Variants in CERS6 observed in about 807,000 individuals in gnomAD.
CERS6 encodes LAG1 homolog, ceramide synthase 6.
Under a neutral mutation model 56.8 loss-of-function variants are expected in CERS6, and 26 were observed. The ratio of observed to expected loss-of-function variants is 0.46; its 90% CI spans 0.34 to 0.63. The LOEUF (loss-of-function observed/expected upper bound fraction) is 0.63. Among genes scored for constraint, CERS6 ranks in the 30% least tolerant of loss-of-function variants. CERS6 has a pLI of 0.01. For missense variants in CERS6, 415 were observed against 467.5 expected, an observed-to-expected ratio of 0.89 and a Z score of 1.04; for synonymous variants, 164 against 173.3, an observed-to-expected ratio of 0.95 and a Z score of 0.42.
chr2:168,716,277 G>A (rs1306279104), intron 7 of CERS6, among the ~76,000 whole-genome samples: 1 of 152,020 alleles, frequency 6.6e-6, no homozygotes, highest in Non-Finnish European at 1.5e-5. Flanking sequence ...TAGTATAAGG[G>A]CAATCCCCTG....
At chr2:168,493,024 G>A (rs981142971) in intron 1 of CERS6, among the ~76,000 whole-genome samples, 2 of 151,930 alleles carry the variant, frequency 1.3e-5, no homozygotes, top group Non-Finnish European at 2.9e-5. Context: ...TTTTTAGAAT[G>A]TATACTTCTG....
At chr2:168,605,820 C>CT in intron 3 of CERS6, among the ~76,000 whole-genome samples, 1 of 152,282 alleles carries the variant, frequency 6.6e-6, no homozygotes, top group South Asian at 2.1e-4. Context: ...AGAGTTAAGG[C>CT]TTGGGGGCCT....
At chr2:168,576,531 C>T (rs993625604) in intron 3 of CERS6, among the ~76,000 whole-genome samples, 1 of 152,202 alleles carries the variant, frequency 6.6e-6, no homozygotes, top group Non-Finnish European at 1.5e-5. Flanking sequence ...TTTCCAGATA[C>T]AGTCCAATCA....
chr2:168,769,427 T>C (rs1684807802), intron 9 of CERS6, 83 bp from the exon 10 acceptor site: 2 of 1,243,702 alleles, frequency 1.6e-6, no homozygotes, highest in South Asian at 3.2e-5. Flanking sequence ...TTTCCCCTTG[T>C]GTATGACTGC....
intron 3 of CERS6, among the ~76,000 whole-genome samples, chr2:168,584,547 T>C (rs1180869782): frequency 6.6e-6 from 1 of 152,196 alleles, no homozygotes; most frequent in Non-Finnish European, 1.5e-5. Context: ...CCCTAATTTA[T>C]TTTTACACAA....
chr2:168,760,216 G>A (rs571407401), intron 8 of CERS6, among the ~76,000 whole-genome samples: 2 of 152,224 alleles, frequency 1.3e-5, no homozygotes, highest in African/African-American at 4.8e-5. Flanking sequence ...CGATCACAAG[G>A]TCCCACAGTA....
intron 8 of CERS6, among the ~76,000 whole-genome samples, chr2:168,754,630 C>T (rs981530722): frequency 6.6e-6 from 1 of 152,194 alleles, no homozygotes; most frequent in Non-Finnish European, 1.5e-5. Flanking sequence ...CAAGACCCTA[C>T]CAGAACCTTC....
At chr2:168,604,025 G>A (rs1403819866) in intron 3 of CERS6, among the ~76,000 whole-genome samples, 1 of 152,182 alleles carries the variant, frequency 6.6e-6, no homozygotes, top group Non-Finnish European at 1.5e-5. Context: ...ATGGAGAACT[G>A]TTATTAGATA....
At chr2:168,501,524 C>G (rs767271272) in intron 1 of CERS6, among the ~76,000 whole-genome samples, 11 of 152,040 alleles carry the variant, frequency 7.2e-5, no homozygotes, top group Non-Finnish European at 1.6e-4. Flanking sequence ...ATAATGAGGT[C>G]GAAGAAATAT....
At chr2:168,701,446 G>A (rs1321908265) in intron 6 of CERS6, among the ~76,000 whole-genome samples, 1 of 152,138 alleles carries the variant, frequency 6.6e-6, no homozygotes, top group East Asian at 1.9e-4. Flanking sequence ...TTCTCCCAGT[G>A]TTGAAATTTT....
intron 4 of CERS6, among the ~76,000 whole-genome samples, chr2:168,635,945 A>C (rs1255930591): frequency 6.6e-6 from 1 of 152,182 alleles, no homozygotes; most frequent in Non-Finnish European, 1.5e-5. Context: ...ACAAGATTGT[A>C]ATTTTTTTTG....
At chr2:168,496,083 A>C (rs1419656588) in intron 1 of CERS6, among the ~76,000 whole-genome samples, 5 of 151,626 alleles carry the variant, frequency 3.3e-5, no homozygotes, top group African/African-American at 1.2e-4. Flanking sequence ...GGTTCTTTTC[A>C]CTCTTTATGT....
In CERS6 at chr2:168,598,998, G is replaced by T. The variant is rs1274051091; in HGVS notation, c.408-31987G>T. Among the ~76,000 whole-genome samples, 3 of 152,308 alleles carry T rather than the reference G, an allele frequency of 2.0e-5. No individual in the cohort carries two copies. In the East Asian group the frequency reaches 5.8e-4, roughly 29 times the overall value. On this transcript the variant is annotated intron_variant, in intron 3 of 9. Coordinates refer to ENST00000305747, the MANE Select transcript of CERS6 (RefSeq NM_203463.3). ...GGTAATAACAGCACTTGACATTTGT[G>T]TAGCTCTGTGATTTTCAAGGAACTT...
At chr2:168,514,655 C>T (rs1694854796) in intron 1 of CERS6, among the ~76,000 whole-genome samples, 1 of 152,200 alleles carries the variant, frequency 6.6e-6, no homozygotes, top group South Asian at 2.1e-4. Context: ...AGAGAAGAAC[C>T]TGCCTCCCTT....
In CERS6 at chr2:168,476,360, C is replaced by T. The variant is rs537845007; in HGVS notation, c.170+19742C>T. ...ATACCATGAAAGATAAAACTCTCTCCTCAGAGACAACCATTTGCAACTGCC... is the reference window on the plus strand; with the variant it reads ...ATACCATGAAAGATAAAACTCTCTCTTCAGAGACAACCATTTGCAACTGCC... On this transcript the variant is annotated intron_variant, in intron 1 of 9. Transcript: ENST00000305747. 7.9e-5 allele frequency among the ~76,000 whole-genome samples: 12 copies of T among 152,214 alleles called. No homozygotes were observed. In the East Asian group the frequency reaches 2.3e-3, roughly 29 times the overall value.
intron 2 of CERS6, among the ~76,000 whole-genome samples, chr2:168,553,514 G>T (rs576431041): frequency 1.3e-5 from 2 of 152,244 alleles, no homozygotes; most frequent in South Asian, 2.1e-4. Context: ...TTATGTGATT[G>T]TAGGCCTTTC....
At chr2:168,468,009 C>T (rs1317752294) in intron 1 of CERS6, among the ~76,000 whole-genome samples, 1 of 152,092 alleles carries the variant, frequency 6.6e-6, no homozygotes, top group Non-Finnish European at 1.5e-5. Context: ...GCCCTGAAAC[C>T]CCAATCTTTT....
intron 1 of CERS6, among the ~76,000 whole-genome samples, chr2:168,473,333 GT>G (rs1398180484): frequency 6.6e-6 from 1 of 151,766 alleles, no homozygotes; most frequent in East Asian, 1.9e-4. Context: ...TGCTATCTCT[GT>G]TTGCATTTTT....
At chr2:168,678,913 C>A (rs1686139540) in intron 4 of CERS6, among the ~76,000 whole-genome samples, 1 of 152,020 alleles carries the variant, frequency 6.6e-6, no homozygotes, top group South Asian at 2.1e-4. Flanking sequence ...TTCAAAATAG[C>A]CAAAATATGG....
Sources: allele counts gnomAD v4.1 joint callset (sites outside exome capture counted in the v4.1 genomes callset), GRCh38; gene constraint gnomAD v4.1.1; transcripts MANE v1.5; gene names NCBI Gene and HGNC (gene_info 2026-07-23, HGNC 2026-07-21).